TMEM178B: variants seen among roughly 807,000 people sequenced by gnomAD.
The protein encoded by TMEM178B is transmembrane protein 178B.
Under a neutral mutation model 31.0 loss-of-function variants are expected in TMEM178B, and 5 were observed. That is an observed-to-expected ratio of 0.16 (90% CI 0.08 to 0.34). The LOEUF (loss-of-function observed/expected upper bound fraction) is 0.34, where lower values mean the gene tolerates loss of function less well. TMEM178B is among the 10% of genes least tolerant of loss of function. TMEM178B has a pLI of 1.00. For synonymous variants in TMEM178B, 164 were observed against 164.0 expected (o/e 1.00, Z 0.00); for missense variants, 275 against 400.3 (o/e 0.69, Z 2.67).
At chr7:141,501,228 G>A in the TMEM178B span, among the ~76,000 whole-genome samples, 1 of 151,820 alleles carries the variant, frequency 6.6e-6, no homozygotes, top group African/African-American at 2.4e-5. Flanking sequence ...GGTAGGTCTC[G>A]GCGGTGCCCT....
chr7:141,263,563 T>G (rs1798048612), intron 2 of TMEM178B, among the ~76,000 whole-genome samples: 1 of 151,590 alleles, frequency 6.6e-6, no homozygotes, highest in Non-Finnish European at 1.5e-5. Context: ...ATTCAGGGAG[T>G]GTTGATCATT....
At chr7:141,098,198 T>C (rs1046862723) in intron 1 of TMEM178B, among the ~76,000 whole-genome samples, 8 of 152,200 alleles carry the variant, frequency 5.3e-5, no homozygotes, top group African/African-American at 1.9e-4. Context: ...AAGGTATCTT[T>C]CCAATTTATT....
At chr7:141,185,897 C>G (rs963657970) in intron 1 of TMEM178B, among the ~76,000 whole-genome samples, 1 of 152,180 alleles carries the variant, frequency 6.6e-6, no homozygotes, top group African/African-American at 2.4e-5. Context: ...TATTAAATGC[C>G]TCAATCAGAG....
At chr7:141,372,593 A>G in intron 2 of TMEM178B, among the ~76,000 whole-genome samples, 1 of 152,130 alleles carries the variant, frequency 6.6e-6, no homozygotes, top group East Asian at 1.9e-4. Context: ...CCCAGGGGAC[A>G]ATCACATAGA....
chr7:141,199,763 T>A (rs369108253), intron 1 of TMEM178B, among the ~76,000 whole-genome samples: 131 of 152,016 alleles, frequency 8.6e-4, no homozygotes, highest in East Asian at 7.6e-3. Flanking sequence ...ATAAAAAAAA[T>A]TTTTTTGGCA....
rs531097310 is a variant in TMEM178B at position 141,449,149 on chromosome 7, A to G, written c.634+11404A>G. Among the ~76,000 whole-genome samples the G allele has an allele frequency of 7.2e-5, 11 of 152,302 alleles. No homozygotes were observed. In the East Asian group the frequency reaches 7.7e-4, roughly 11 times the overall value. On this transcript the variant is annotated intron_variant, in intron 3 of 3. Coordinates refer to ENST00000565468, the MANE Select transcript of TMEM178B (RefSeq NM_001195278.2). ...CGTGGCTCTTCTGGGATGCTCTTAC[A>G]GAGGTTTGTAAGCCTCAGAGAAAGG...
chr7:141,074,178 A>AG lies in TMEM178B; in HGVS notation c.-128dup. 1 of 1,284,154 alleles carries AG rather than the reference A, an allele frequency of 7.8e-7. No homozygotes were observed. The highest frequency in any genetic ancestry group is 2.7e-5 in the East Asian group (1 of 36,528). The allele number at this position is 1,284,154 out of a possible 1,614,324, so 79.5% of individuals were successfully genotyped here. Reference sequence around the variant, plus strand: ...GCCGTGCTCCGGTAGGCGGGGGCCGAGGGGGCGCCGCGGCGCGAGTCCCTC... The same window carrying AG: ...GCCGTGCTCCGGTAGGCGGGGGCCGAGGGGGGCGCCGCGGCGCGAGTCCCTC... On this transcript the variant is annotated 5_prime_UTR_variant, in exon 1 of 4. Transcript: ENST00000565468. This position sits in a 1 kb window ranked among gnomAD's most constrained non-coding sequence, Gnocchi z 5.1.
intron 1 of TMEM178B, among the ~76,000 whole-genome samples, chr7:141,203,107 T>A (rs1365479284): frequency 6.6e-6 from 1 of 152,238 alleles, no homozygotes; most frequent in East Asian, 1.9e-4. Flanking sequence ...GCCTTCTTAA[T>A]GTGCTAAAGA....
At chr7:141,356,353 C>G in intron 2 of TMEM178B, among the ~76,000 whole-genome samples, 1 of 150,540 alleles carries the variant, frequency 6.6e-6, no homozygotes, top group East Asian at 1.9e-4. Context: ...TAAGCTTTCT[C>G]TTTTCTCTGA....
intron 2 of TMEM178B, among the ~76,000 whole-genome samples, chr7:141,381,784 G>A (rs527945620): frequency 5.9e-5 from 9 of 152,120 alleles, no homozygotes; most frequent in East Asian, 1.9e-4. Context: ...CACAAGGATG[G>A]TACATTTTCT....
chr7:141,459,154 C>T (rs753525023), intron 3 of TMEM178B, among the ~76,000 whole-genome samples: 10 of 152,116 alleles, frequency 6.6e-5, no homozygotes, highest in South Asian at 2.1e-4. Context: ...CTCAGCCTCC[C>T]GAGTAGCTGG....
Position 141,171,098 on chromosome 7 carries a change from G to A in TMEM178B, c.383-41493G>A, listed in dbSNP as rs1161070557. Among the ~76,000 whole-genome samples, 2 of 151,786 alleles carry A rather than the reference G, an allele frequency of 1.3e-5. No homozygotes were observed. Among genetic ancestry groups the A allele is most frequent in the East Asian group, 3.9e-4 (2 of 5,164 alleles). The stretch of plus-strand genomic sequence containing the variant: ...ATAAATTAAAATAAATACTTGAAGT[G>A]TAACTCTTCACTTTTGAATCTTCTA... On this transcript the variant is annotated intron_variant, in intron 1 of 3. Coordinates refer to ENST00000565468, the MANE Select transcript of TMEM178B (RefSeq NM_001195278.2). The surrounding 1 kb of genome is among the most constrained non-coding windows in gnomAD (Gnocchi z 4.3).
Position 141,147,369 on chromosome 7 carries a change from A to G in TMEM178B, c.383-65222A>G, listed in dbSNP as rs140410010. On this transcript the variant is annotated intron_variant, in intron 1 of 3. Coordinates refer to ENST00000565468, the MANE Select transcript of TMEM178B (RefSeq NM_001195278.2). ...TGGGTGGTAGGGGTGGGAGGCAGGC[A>G]AGGAGAGCCTTGTAAGCCGTGTTTA... Among the ~76,000 whole-genome samples, 583 of 152,150 alleles carry G rather than the reference A, an allele frequency of 3.8e-3. 5 individuals carry two copies. The highest frequency in any genetic ancestry group is 0.011 in the African/African-American group (453 of 41,520).
chr7:141,260,339 A>G (rs1333644039), intron 2 of TMEM178B, among the ~76,000 whole-genome samples: 1 of 152,238 alleles, frequency 6.6e-6, no homozygotes, highest in Admixed American at 6.5e-5. Flanking sequence ...AAAACCCAGC[A>G]GATTCCCACT....
chr7:141,081,692 G>T (rs751156601), intron 1 of TMEM178B, among the ~76,000 whole-genome samples: 5 of 151,650 alleles, frequency 3.3e-5, no homozygotes, highest in Non-Finnish European at 5.9e-5. Flanking sequence ...AAAGTTAAAA[G>T]AATTAAAAAG....
At chr7:141,502,507 C>T in the TMEM178B span, among the ~76,000 whole-genome samples, 3 of 152,212 alleles carry the variant, frequency 2.0e-5, no homozygotes, top group South Asian at 4.1e-4. Flanking sequence ...CGTGGTGGCT[C>T]ACGCCTGTAA....
the TMEM178B span, among the ~76,000 whole-genome samples, chr7:141,497,660 T>TGA: frequency 6.6e-6 from 1 of 152,228 alleles, no homozygotes; most frequent in Non-Finnish European, 1.5e-5. Flanking sequence ...GTCTTCGTGT[T>TGA]ACACCTGTGC....
intron 1 of TMEM178B, among the ~76,000 whole-genome samples, chr7:141,149,475 G>C (rs1795918891): frequency 6.6e-6 from 1 of 152,210 alleles, no homozygotes; most frequent in South Asian, 2.1e-4. Flanking sequence ...TTGAACACTT[G>C]AGGTGGAGGT....
rs1802395751 is a variant in TMEM178B at position 141,477,545 on chromosome 7, A to AG, written c.*6762dup. On this transcript the variant is annotated 3_prime_UTR_variant, in exon 4 of 4. Transcript: ENST00000565468. ...ATAAAAGTAAATCAGCAATGTTTGAAGGGTCATGGCAAGGGTCATGACAAA... is the reference window on the plus strand; with the variant it reads ...ATAAAAGTAAATCAGCAATGTTTGAAGGGGTCATGGCAAGGGTCATGACAAA... 6.6e-6 allele frequency: 1 copy of AG among 152,176 alleles called. No individual in the cohort carries two copies. The highest frequency in any genetic ancestry group is 1.5e-5 in the Non-Finnish European group (1 of 68,048). The allele number at this position is 152,176 out of a possible 1,614,324, so 9.4% of individuals were successfully genotyped here.
Sources: allele counts gnomAD v4.1 joint callset (sites outside exome capture counted in the v4.1 genomes callset), GRCh38; gene constraint gnomAD v4.1.1; non-coding constraint Gnocchi (gnomAD v3.1); transcripts MANE v1.5; gene names NCBI Gene and HGNC (gene_info 2026-07-23, HGNC 2026-07-21).